The following GPR89A variants were observed in gnomAD, a reference collection of about 807,000 sequenced individuals.
The protein encoded by GPR89A is golgi pH regulator A.
In GPR89A, 16 loss-of-function variants were observed where a neutral mutation model predicts 52.0. That is an observed-to-expected ratio of 0.31 (90% CI 0.21 to 0.47). GPR89A has a LOEUF of 0.47. Ranked by LOEUF, GPR89A falls within the 20% of genes least tolerant of loss-of-function variation. The pLI, the probability that GPR89A is intolerant of heterozygous loss-of-function variation, is 1.00. For missense variants in GPR89A, 135 were observed against 449.4 expected (o/e 0.30, Z 6.33); for synonymous variants, 55 against 150.9 (o/e 0.36, Z 4.66).
intron 10 of GPR89A, among the ~76,000 whole-genome samples, chr1:145,658,778 T>G (rs1317110460): frequency 6.6e-6 from 1 of 151,860 alleles, no homozygotes; most frequent in Admixed American, 6.6e-5. Context: ...TTGTGTATAA[T>G]TTTTTTGTTT....
chr1:145,658,028 C>G (rs1403019053), intron 10 of GPR89A, among the ~76,000 whole-genome samples: 2 of 151,620 alleles, frequency 1.3e-5, no homozygotes, highest in Non-Finnish European at 2.9e-5. Context: ...CCCTCCAATT[C>G]CCACTCCCTC....
intron 10 of GPR89A, among the ~76,000 whole-genome samples, chr1:145,657,926 C>T (rs1651920705): frequency 2.6e-5 from 4 of 151,148 alleles, no homozygotes; most frequent in African/African-American, 4.9e-5. Context: ...TTAATATATT[C>T]ATAGTTTTAT....
At chr1:145,663,506 A>G (rs1652351818) in intron 11 of GPR89A, 82 bp downstream of exon 11, 6 of 1,587,212 alleles carry the variant, frequency 3.8e-6, no homozygotes, top group Non-Finnish European at 2.6e-6. Flanking sequence ...TCTAATTTGT[A>G]TACTTTAGGT....
intron 10 of GPR89A, among the ~76,000 whole-genome samples, chr1:145,648,623 G>C (rs1651218044): frequency 6.6e-6 from 1 of 151,448 alleles, no homozygotes; most frequent in South Asian, 2.1e-4. Flanking sequence ...GGGATTGCAA[G>C]CACGCACCAC....
intron 8 of GPR89A, 26 bp from the exon 9 acceptor site, chr1:145,646,158 A>G: frequency 6.2e-7 from 1 of 1,613,720 alleles, no homozygotes; most frequent in South Asian, 1.1e-5. Flanking sequence ...TATGTGATTA[A>G]AACCTTGATG....
intron 5 of GPR89A, among the ~76,000 whole-genome samples, chr1:145,629,106 C>T (rs1190257786): frequency 6.6e-6 from 1 of 152,114 alleles, no homozygotes; most frequent in Non-Finnish European, 1.5e-5. Context: ...TGCTTACCCC[C>T]CTGGCAGAAA....
chr1:145,639,517 C>G (rs1255490341), intron 7 of GPR89A, among the ~76,000 whole-genome samples: 1 of 151,548 alleles, frequency 6.6e-6, no homozygotes, highest in Non-Finnish European at 1.5e-5. Flanking sequence ...GAGGCTGAGG[C>G]AGGTAGATCA....
At chr1:145,655,187 G>T (rs1553694306) in intron 10 of GPR89A, among the ~76,000 whole-genome samples, 1 of 151,622 alleles carries the variant, frequency 6.6e-6, no homozygotes, top group Non-Finnish European at 1.5e-5. Flanking sequence ...CTGGTTAACA[G>T]CTCCTATAAT....
chr1:145,665,357 T>G (rs1652484786), intron 11 of GPR89A, among the ~76,000 whole-genome samples: 1 of 152,002 alleles, frequency 6.6e-6, no homozygotes, highest in Admixed American at 6.6e-5. Context: ...TTTAATTAAG[T>G]CTGCTAATTA....
At chr1:145,645,545 A>G (rs1172979374) in intron 8 of GPR89A, 12 of 453,740 alleles carry the variant, frequency 2.6e-5, no homozygotes, top group African/African-American at 4.0e-5. Context: ...GGAAAATAAC[A>G]TAGTGTAATG....
intron 5 of GPR89A, among the ~76,000 whole-genome samples, chr1:145,627,100 G>A (rs1417197889): frequency 1.3e-4 from 19 of 151,732 alleles, no homozygotes; most frequent in African/African-American, 4.6e-4. Context: ...AGGAATCTGT[G>A]TGAGCAGGTG....
rs1469410737 is a variant in GPR89A at position 145,647,083 on chromosome 1, C to T, written c.817-92C>T. On this transcript the variant is annotated intron_variant, in intron 9 of 13. Coordinates refer to ENST00000313835, the MANE Select transcript of GPR89A (RefSeq NM_001097612.2). Reference sequence around the variant, plus strand: ...TACAATGTATGGTTTTTTGACTTAGCCTGAACAGTGATTCATAGAGGGAAG... The same window carrying T: ...TACAATGTATGGTTTTTTGACTTAGTCTGAACAGTGATTCATAGAGGGAAG... 7.9e-6 allele frequency: 12 copies of T among 1,523,788 alleles called. No individual in the cohort carries two copies. The Admixed American group carries it at 1.3e-4, about 17-fold the overall frequency. 94.4% of individuals were successfully genotyped at this position (1,523,788 alleles called of 1,614,324 possible).
At chr1:145,656,789 G>A (rs1651834662) in intron 10 of GPR89A, among the ~76,000 whole-genome samples, 2 of 151,372 alleles carry the variant, frequency 1.3e-5, no homozygotes, top group South Asian at 4.2e-4. Context: ...CTCTTAGGGA[G>A]ATAGCATCCA....
chr1:145,646,114 G>C (rs1650970605), intron 8 of GPR89A, 70 bp from the exon 9 acceptor site: 4 of 1,612,618 alleles, frequency 2.5e-6, no homozygotes, highest in African/African-American at 1.3e-5. Flanking sequence ...AAAACCAAAA[G>C]TATATGCTTT....
intron 4 of GPR89A, 150 bp from the exon 5 acceptor site, chr1:145,623,463 A>G: frequency 1.3e-6 from 1 of 748,620 alleles, no homozygotes; most frequent in Non-Finnish European, 2.1e-6. Flanking sequence ...GATGGTAAGG[A>G]TGCTTTCACT....
intron 11 of GPR89A, 99 bp from the exon 12 acceptor site, chr1:145,665,463 G>T: frequency 6.5e-7 from 1 of 1,532,570 alleles, no homozygotes; most frequent in Non-Finnish European, 9.0e-7. Context: ...GTCTAATAAA[G>T]CTCCCTCTCA....
At chr1:145,623,782 CAATT>C in intron 5 of GPR89A, 68 bp downstream of exon 5, 2 of 1,577,710 alleles carry the variant, frequency 1.3e-6, no homozygotes, top group South Asian at 1.2e-5. Flanking sequence ...ATTTCAAAAA[CAATT>C]AATTAAATTT....
chr1:145,648,809 T>TTTC lies in GPR89A; in HGVS notation c.909+1544_909+1545insCTT, dbSNP rs1651237110. The stretch of plus-strand genomic sequence containing the variant: ...TAGGGAAGCATGTTCTTTTTTTTTT[T>TTTC]TTTTTTTGTTGAAGACGGAGTCTCT... On this transcript the variant is annotated intron_variant, in intron 10 of 13. Transcript: ENST00000313835. Among the ~76,000 whole-genome samples the TTTC allele has an allele frequency of 4.3e-3, 5 of 1,160 alleles. 1 individual carries two copies. Among genetic ancestry groups the TTTC allele is most frequent in the Non-Finnish European group, 0.021 (5 of 234 alleles). The allele number at this position is 1,160 out of a possible 152,430, so 0.8% of individuals were successfully genotyped here.
intron 11 of GPR89A, 94 bp downstream of exon 11, chr1:145,663,518 C>A: frequency 2.0e-6 from 3 of 1,504,842 alleles, no homozygotes; most frequent in East Asian, 4.6e-5. Flanking sequence ...ACTTTAGGTA[C>A]TTGCTTCTGC....
Sources: allele counts gnomAD v4.1 joint callset (sites outside exome capture counted in the v4.1 genomes callset), GRCh38; gene constraint gnomAD v4.1.1; transcripts MANE v1.5; gene names NCBI Gene and HGNC (gene_info 2026-07-23, HGNC 2026-07-21).